KCNC4: variants seen among roughly 807,000 people sequenced by gnomAD.
KCNC4 encodes the protein voltage-gated potassium channel KCNC4.
KCNC4 carries 23 observed loss-of-function variants against 42.8 expected under a neutral mutation model. That is an observed-to-expected ratio of 0.54 (90% CI 0.39 to 0.76). The LOEUF (loss-of-function observed/expected upper bound fraction) is 0.76, where lower values mean the gene tolerates loss of function less well. KCNC4 is among the 30% of genes least tolerant of loss of function. The pLI is 0.00. For synonymous variants in KCNC4, 422 were observed against 393.5 expected, an observed-to-expected ratio of 1.07 and a Z score of -0.86; for missense variants, 751 against 898.2, an observed-to-expected ratio of 0.84 and a Z score of 2.10.
Position 110,276,021 on chromosome 1 carries a change from C to G in KCNC4, n.31-6513C>G, listed in dbSNP as rs747106598. On this transcript the variant is annotated intron_variant and non_coding_transcript_variant, in intron 1 of 2. Transcript: ENST00000412512. ...CAACAAAATGGATGGTACTAGAGAC[C>G]ATTATCTTAAGTGAAAAAAACTCAG... Among the ~76,000 whole-genome samples, 10 of 150,218 alleles carry G rather than the reference C, an allele frequency of 6.7e-5. 1 individual carries two copies. In the South Asian group the frequency reaches 8.5e-4, roughly 13 times the overall value.
chr1:110,227,513 A>T (rs1378559701), intron 3 of KCNC4, among the ~76,000 whole-genome samples: 5 of 152,218 alleles, frequency 3.3e-5, no homozygotes, highest in Non-Finnish European at 7.4e-5. Flanking sequence ...CAGCAGATGG[A>T]GGGTGCTCAG....
At chr1:110,231,037 G>A (rs1346752906) in intron 3 of KCNC4, among the ~76,000 whole-genome samples, 2 of 152,224 alleles carry the variant, frequency 1.3e-5, no homozygotes, top group Non-Finnish European at 2.9e-5. Context: ...CCTTTCCCCT[G>A]CAGCTGGAGC....
At chr1:110,232,142 G>A (rs1470433559) in intron 3 of KCNC4, 6 of 1,391,582 alleles carry the variant, frequency 4.3e-6, no homozygotes, top group Non-Finnish European at 6.0e-6. Flanking sequence ...CCAGGCTGAG[G>A]GTGGGATCCC....
intron 1 of KCNC4, among the ~76,000 whole-genome samples, chr1:110,216,022 T>C (rs1336546952): frequency 6.6e-6 from 1 of 152,180 alleles, no homozygotes; most frequent in Non-Finnish European, 1.5e-5. Flanking sequence ...TAACCTCTCT[T>C]CTCACTGTGG....
chr1:110,226,059 C>G lies in KCNC4; in HGVS notation c.1700C>G (p.Thr567Ser), dbSNP rs147798518. Residue 567 changes from threonine (T) to serine (S), a missense_variant, in exon 3 of 4, where the codon ACC (threonine) becomes AGC (serine). Around this residue, in one of 4 missense-constraint regions of KCNC4, gnomAD observed 202 missense variants for 181.5 expected, o/e 1.11. Coordinates refer to ENST00000438661, the MANE Select transcript of KCNC4 (RefSeq NM_001039574.3). The stretch of plus-strand genomic sequence containing the variant: ...ACCCAACCCCTGGCCTCCTCCCCGA[C>G]CCCCGAGGAGCGCCGGGCCCTGCGA... ...GLTQPLASSPTPEERRALRRS... is the reference protein window; with the variant it reads ...GLTQPLASSPSPEERRALRRS... 1 of 1,613,978 alleles carries G rather than the reference C, an allele frequency of 6.2e-7. No homozygotes were observed. The highest frequency in any genetic ancestry group is 8.5e-7 in the Non-Finnish European group (1 of 1,179,906).
intron 1 of KCNC4, chr1:110,220,664 A>G (rs575276391): frequency 1.3e-5 from 2 of 152,124 alleles, no homozygotes; most frequent in South Asian, 2.1e-4. Flanking sequence ...CCTTACCTCA[A>G]CCACTCTGTT....
chr1:110,259,257 C>T (rs927621506), intron 1 of KCNC4, among the ~76,000 whole-genome samples: 4 of 152,160 alleles, frequency 2.6e-5, no homozygotes, highest in East Asian at 1.9e-4. Flanking sequence ...GGGAACCCAC[C>T]GGAACACTTT....
downstream of KCNC4, chr1:110,238,386 C>T (rs1006120827): frequency 6.6e-6 from 1 of 152,260 alleles, no homozygotes; most frequent in South Asian, 2.1e-4. Context: ...CTCCCTTTCT[C>T]TCCTCACATA....
chr1:110,223,711 G>A lies in KCNC4; in HGVS notation c.1426G>A (p.Gly476Ser), dbSNP rs367870522. ...GGTGCCTGTCATCGTCAACAACTTC[G>A]GCATGTACTACTCCCTGGCCATGGC... ...MPVPVIVNNFGMYYSLAMAKQ... is the reference protein window; with the variant it reads ...MPVPVIVNNFSMYYSLAMAKQ... The change falls in exon 2 of 4, where the codon GGC (glycine) becomes AGC (serine). Residue 476 changes from glycine (G) to serine (S), a missense_variant. Gly to Ser is a moderately conservative substitution (Grantham distance 56). Transcript: ENST00000438661. The surrounding 1 kb of genome is among the most constrained non-coding windows in gnomAD (Gnocchi z 7.5). 1.6e-4 allele frequency: 263 copies of A among 1,613,936 alleles called. No individual in the cohort carries two copies. The highest frequency in any genetic ancestry group is 4.5e-4 in the African/African-American group (34 of 74,886).
chr1:110,229,911 A>G (rs889425401), intron 3 of KCNC4, among the ~76,000 whole-genome samples: 7 of 152,142 alleles, frequency 4.6e-5, no homozygotes, highest in Non-Finnish European at 8.8e-5. Flanking sequence ...AGATTATGCA[A>G]TTTTGCGGAG....
chr1:110,226,897 T>A (rs1658426972), intron 3 of KCNC4, among the ~76,000 whole-genome samples: 1 of 152,186 alleles, frequency 6.6e-6, no homozygotes, highest in Non-Finnish European at 1.5e-5. Context: ...GGGCAGAGGT[T>A]GGGCTGTGGA....
In KCNC4 at chr1:110,212,052, G is replaced by A; in HGVS notation, c.553G>A (p.Ala185Thr). 1 of 1,567,192 alleles carries A rather than the reference G, an allele frequency of 6.4e-7. No homozygotes were observed. The highest frequency in any genetic ancestry group is 2.3e-5 in the East Asian group (1 of 42,846). Reference sequence around the variant, plus strand: ...GGCCGGCGACGATGAGCGGGAGCTGGCCCTGCAGCGACTGGGCCCCCACGA... The same window carrying A: ...GGCCGGCGACGATGAGCGGGAGCTGACCCTGCAGCGACTGGGCCCCCACGA... ...DEAGDDEREL[A>T]LQRLGPHEGG... The change falls in exon 1 of 4, where the codon GCC becomes ACC. Residue 185 changes from alanine to threonine, a missense_variant. By Grantham distance (58) the Ala-to-Thr change is moderately conservative. Coordinates refer to ENST00000438661, the MANE Select transcript of KCNC4 (RefSeq NM_001039574.3).
Position 110,212,086 on chromosome 1 carries a change from C to T in KCNC4, c.587C>T (p.Ala196Val), listed in dbSNP as rs1222536421. 47 of 1,526,162 alleles carry T rather than the reference C, an allele frequency of 3.1e-5. No homozygotes were observed. The highest frequency in any genetic ancestry group is 4.0e-5 in the Non-Finnish European group (46 of 1,147,630). The allele number at this position is 1,526,162 out of a possible 1,614,324, so 94.5% of individuals were successfully genotyped here. The change falls in exon 1 of 4, where the codon GCG becomes GTG. Residue 196 changes from alanine to valine, a missense_variant. By Grantham distance (64) the Ala-to-Val change is moderately conservative (BLOSUM62 0). Around this residue, in one of 4 missense-constraint regions of KCNC4, gnomAD observed 181 missense variants for 167.3 expected, o/e 1.08. Transcript: ENST00000438661. ...CGACTGGGCCCCCACGAGGGAGGCG[C>T]GGGCCATGGCGCCGGGTCTGGGGGC... ...LQRLGPHEGGAGHGAGSGGCR... is the reference protein window; with the variant it reads ...LQRLGPHEGGVGHGAGSGGCR...
At position 110,211,795 on chromosome 1, in the gene KCNC4, A is replaced by T. The variant is rs1657475609; in HGVS notation, c.296A>T (p.His99Leu). Reference sequence around the variant, plus strand: ...GGCTGCGAGTTCTTCTTCGACAGGCACCCGGGCGTCTTCGCCTACGTGCTC... The same window carrying T: ...GGCTGCGAGTTCTTCTTCGACAGGCTCCCGGGCGTCTTCGCCTACGTGCTC... ...GGGCEFFFDR[H>L]PGVFAYVLNY... The change falls in exon 1 of 4, where the codon CAC (histidine) becomes CTC (leucine). Residue 99 changes from histidine to leucine, a missense_variant. Coordinates refer to ENST00000438661, the MANE Select transcript of KCNC4 (RefSeq NM_001039574.3). This position sits in a 1 kb window ranked among gnomAD's most constrained non-coding sequence, Gnocchi z 6.5. The T allele has an allele frequency of 6.2e-7, 1 of 1,611,080 alleles. No homozygotes were observed.
chr1:110,217,656 G>A (rs12410908), intron 1 of KCNC4, among the ~76,000 whole-genome samples: 11,868 of 152,182 alleles, frequency 0.078, 1,021 homozygotes, highest in African/African-American at 0.22. Flanking sequence ...GTGCTGGCTC[G>A]TCGGAGGGTG....
intron 3 of KCNC4, among the ~76,000 whole-genome samples, chr1:110,230,831 G>A (rs1658657521): frequency 6.6e-6 from 1 of 152,218 alleles, no homozygotes; most frequent in Non-Finnish European, 1.5e-5. Context: ...AAAGGGCAGG[G>A]TGAGCCCAGG....
intron 1 of KCNC4, among the ~76,000 whole-genome samples, chr1:110,274,809 A>T (rs1222982569): frequency 6.6e-6 from 1 of 152,220 alleles, no homozygotes; most frequent in East Asian, 1.9e-4. Context: ...TTGGATTGCT[A>T]TATGCAGAAG....
intron 2 of KCNC4, chr1:110,224,175 G>A: frequency 2.4e-6 from 1 of 411,836 alleles, no homozygotes; most frequent in South Asian, 5.7e-5. Context: ...AGATGCCCTG[G>A]TTTTAAATCC....
intron 1 of KCNC4, among the ~76,000 whole-genome samples, chr1:110,279,583 G>A (rs983627149): frequency 6.6e-6 from 1 of 152,100 alleles, no homozygotes; most frequent in Non-Finnish European, 1.5e-5. Context: ...AGTGATCCTG[G>A]GAAAGGAGAG....
Sources: gnomAD v4.1 joint callset for allele counts (sites outside exome capture counted in the v4.1 genomes callset) on GRCh38, gnomAD v4.1.1 for gene constraint, gnomAD v4.1.1 regional missense constraint, Gnocchi (gnomAD v3.1) non-coding constraint, MANE v1.5 for transcripts, NCBI Gene and HGNC (gene_info 2026-07-23, HGNC 2026-07-21) for gene names.